The following RABGAP1L variants were observed in gnomAD, a reference collection of about 807,000 sequenced individuals.
RABGAP1L encodes the protein rab GTPase-activating protein 1-like.
Under a neutral mutation model 137.7 loss-of-function variants are expected in RABGAP1L, and 63 were observed. The ratio of observed to expected loss-of-function variants is 0.46; its 90% confidence interval spans 0.37 to 0.56. RABGAP1L has a LOEUF of 0.56. Among genes scored for constraint, RABGAP1L ranks in the 20% least tolerant of loss-of-function variants. The pLI is 0.00. For missense variants in RABGAP1L, 1,095 were observed against 1,244.0 expected (o/e 0.88, Z 1.80); for synonymous variants, 431 against 433.7 (o/e 0.99, Z 0.08).
intron 19 of RABGAP1L, among the ~76,000 whole-genome samples, chr1:174,873,337 G>A (rs1198711145): frequency 2.6e-5 from 4 of 151,926 alleles, no homozygotes; most frequent in African/African-American, 9.7e-5. Flanking sequence ...CAAAAGTGCT[G>A]GGATTACAGG....
chr1:174,867,733 C>T (rs1651528779), intron 19 of RABGAP1L, among the ~76,000 whole-genome samples: 1 of 152,168 alleles, frequency 6.6e-6, no homozygotes, highest in African/African-American at 2.4e-5. Context: ...GCAACCTCCA[C>T]CTCCTGAGTT....
At chr1:174,770,136 G>T (rs1686003376) in intron 18 of RABGAP1L, among the ~76,000 whole-genome samples, 1 of 152,132 alleles carries the variant, frequency 6.6e-6, no homozygotes, top group Non-Finnish European at 1.5e-5. Context: ...TTTCATGAAG[G>T]AATGCCTATT....
At chr1:174,650,964 G>A (rs1176073736) in intron 14 of RABGAP1L, among the ~76,000 whole-genome samples, 18 of 146,198 alleles carry the variant, frequency 1.2e-4, no homozygotes, top group African/African-American at 3.6e-4. Context: ...TTTCTCTTGT[G>A]GGCATTTAGT....
At chr1:174,752,497 C>A in intron 18 of RABGAP1L, 143 bp downstream of exon 18, 1 of 545,108 alleles carries the variant, frequency 1.8e-6, no homozygotes, top group Non-Finnish European at 3.1e-6. Flanking sequence ...AACTCTGATC[C>A]TCTTCCCTCC....
intron 11 of RABGAP1L, among the ~76,000 whole-genome samples, chr1:174,362,362 C>T (rs1329684272): frequency 6.6e-6 from 1 of 152,188 alleles, no homozygotes; most frequent in African/African-American, 2.4e-5. Context: ...GCCACACTGT[C>T]TTCCACAAAG....
chr1:174,653,159 G>C (rs959576591), intron 14 of RABGAP1L, among the ~76,000 whole-genome samples: 2 of 152,134 alleles, frequency 1.3e-5, no homozygotes, highest in Non-Finnish European at 2.9e-5. Flanking sequence ...AACCAAGCTG[G>C]AGTAACCCAG....
chr1:174,500,442 A>G (rs1352098077), intron 13 of RABGAP1L, among the ~76,000 whole-genome samples: 1 of 152,100 alleles, frequency 6.6e-6, no homozygotes, highest in African/African-American at 2.4e-5. Context: ...TCAATGTATC[A>G]TTCATTTAAA....
intron 4 of RABGAP1L, 98 bp from the exon 5 acceptor site, chr1:174,241,385 A>G (rs775370062): frequency 1.6e-5 from 13 of 794,336 alleles, no homozygotes; most frequent in Non-Finnish European, 2.3e-5. Context: ...TAGTAAAACT[A>G]TTTGTTCTTT....
chr1:174,651,446 C>T (rs963169122), intron 14 of RABGAP1L, among the ~76,000 whole-genome samples: 5 of 152,074 alleles, frequency 3.3e-5, no homozygotes, highest in Admixed American at 1.3e-4. Context: ...GTTAAAGTCT[C>T]CCATTATTAT....
intron 19 of RABGAP1L, among the ~76,000 whole-genome samples, chr1:174,814,087 C>T (rs1309773708): frequency 2.6e-5 from 4 of 151,872 alleles, no homozygotes; most frequent in Admixed American, 6.6e-5. Flanking sequence ...TATGAAGTTC[C>T]TGGAGGTGGC....
At chr1:174,262,250 T>C (rs1456959051) in intron 7 of RABGAP1L, among the ~76,000 whole-genome samples, 1 of 152,194 alleles carries the variant, frequency 6.6e-6, no homozygotes, top group African/African-American at 2.4e-5. Context: ...TTTCAGCATC[T>C]TTTCATTGCT....
chr1:174,388,510 A>G (rs1686982043), intron 12 of RABGAP1L, among the ~76,000 whole-genome samples: 1 of 151,852 alleles, frequency 6.6e-6, no homozygotes, highest in South Asian at 2.1e-4. Context: ...AGAGAGAGAA[A>G]ACATTTGGGA....
chr1:174,830,433 T>C (rs2148910369), intron 19 of RABGAP1L, among the ~76,000 whole-genome samples: 1 of 148,210 alleles, frequency 6.7e-6, no homozygotes, highest in East Asian at 2.1e-4. Flanking sequence ...GATTTAATAA[T>C]TTCCTTTTAT....
chr1:174,621,225 C>T (rs1196406605), intron 13 of RABGAP1L, among the ~76,000 whole-genome samples: 3 of 152,158 alleles, frequency 2.0e-5, no homozygotes, highest in Non-Finnish European at 4.4e-5. Context: ...AATGGAAGAA[C>T]ATTCCATGCT....
intron 19 of RABGAP1L, among the ~76,000 whole-genome samples, chr1:174,832,689 C>T (rs1692237901): frequency 8.3e-6 from 1 of 120,884 alleles, no homozygotes; most frequent in Non-Finnish European, 1.9e-5. Context: ...CCCACAGCCA[C>T]TACTGGCTAC....
chr1:174,569,854 T>C (rs1263475006), intron 13 of RABGAP1L, among the ~76,000 whole-genome samples: 1 of 152,194 alleles, frequency 6.6e-6, no homozygotes, highest in East Asian at 1.9e-4. Context: ...TCTTTTTACT[T>C]TGCATAAATA....
chr1:174,790,573 G>A (rs1307249681), intron 18 of RABGAP1L, among the ~76,000 whole-genome samples: 1 of 151,736 alleles, frequency 6.6e-6, no homozygotes, highest in African/African-American at 2.4e-5. Context: ...GGCAGAGGTT[G>A]CAGTGAGCCA....
chr1:174,693,527 A>G (rs1679023682), intron 15 of RABGAP1L, among the ~76,000 whole-genome samples: 1 of 152,216 alleles, frequency 6.6e-6, no homozygotes, highest in African/African-American at 2.4e-5. Flanking sequence ...TATCTGTATG[A>G]TAAAAATGGT....
At chr1:174,561,265 A>G (rs919665391) in intron 13 of RABGAP1L, among the ~76,000 whole-genome samples, 2 of 152,186 alleles carry the variant, frequency 1.3e-5, no homozygotes, top group Non-Finnish European at 2.9e-5. Context: ...CACAATTGCT[A>G]TAAAGAGAAT....
Sources: gnomAD v4.1 joint callset for allele counts (sites outside exome capture counted in the v4.1 genomes callset) on GRCh38, gnomAD v4.1.1 for gene constraint, MANE v1.5 for transcripts, NCBI Gene and HGNC (gene_info 2026-07-23, HGNC 2026-07-21) for gene names.